The following ASCC3 variants were observed in gnomAD, a reference collection of about 807,000 sequenced individuals.
ASCC3 encodes the protein ASC-1 complex subunit P200.
ASCC3 carries 158 observed loss-of-function variants against 256.3 expected under a neutral mutation model. The observed-to-expected ratio is 0.62, with a 90% confidence interval of 0.54 to 0.70. The LOEUF (loss-of-function observed/expected upper bound fraction) is 0.70, where lower values mean the gene tolerates loss of function less well. Ranked by LOEUF, ASCC3 falls within the 30% of genes least tolerant of loss-of-function variation. ASCC3 has a pLI of 0.00. For missense variants in ASCC3, 2,259 were observed against 2,626.0 expected, an observed-to-expected ratio of 0.86 and a Z score of 3.05; for synonymous variants, 948 against 883.4, an observed-to-expected ratio of 1.07 and a Z score of -1.30.
rs560881739 is a variant in ASCC3, at chr6:100,723,380, G to C, written c.1902+2159C>G. ...ATAGGTTTCATTTATAACTTCTTGA[G>C]CTTGCATATTGCATAGAACAACAAG... On this transcript the variant is annotated intron_variant, in intron 11 of 41. Transcript: ENST00000369162. Among the ~76,000 whole-genome samples, 64 of 151,490 alleles carry C rather than the reference G, an allele frequency of 4.2e-4. 1 individual carries two copies. The highest frequency in any genetic ancestry group is 1.3e-3 in the African/African-American group (52 of 41,408).
At chr6:100,527,181 T>C (rs1220791226) in intron 37 of ASCC3, among the ~76,000 whole-genome samples, 1 of 152,180 alleles carries the variant, frequency 6.6e-6, no homozygotes, top group East Asian at 1.9e-4. Flanking sequence ...TGTATGCTTA[T>C]AGTATTAATG....
At chr6:100,555,610 T>C (rs1246004977) in intron 36 of ASCC3, among the ~76,000 whole-genome samples, 1 of 152,192 alleles carries the variant, frequency 6.6e-6, no homozygotes, top group African/African-American at 2.4e-5. Flanking sequence ...CCAGGATTTA[T>C]AGCTAAGTCC....
chr6:100,564,252 C>T (rs899787511), intron 36 of ASCC3, among the ~76,000 whole-genome samples: 13 of 151,514 alleles, frequency 8.6e-5, no homozygotes, highest in Non-Finnish European at 1.6e-4. Flanking sequence ...TTGAAATATA[C>T]GATAAATTCT....
chr6:100,782,100 G>T (rs78326376), intron 8 of ASCC3, among the ~76,000 whole-genome samples: 2,946 of 152,038 alleles, frequency 0.019, 88 homozygotes, highest in African/African-American at 0.068. Context: ...AGAATTATAG[G>T]GAATTCTTGG....
intron 10 of ASCC3, among the ~76,000 whole-genome samples, chr6:100,744,582 T>C (rs1246372365): frequency 6.6e-6 from 1 of 152,170 alleles, no homozygotes; most frequent in Non-Finnish European, 1.5e-5. Flanking sequence ...ATCCTGGAGT[T>C]GTACAGGGTC....
At chr6:100,831,486 T>C (rs924029338) in intron 4 of ASCC3, among the ~76,000 whole-genome samples, 6 of 152,188 alleles carry the variant, frequency 3.9e-5, no homozygotes, top group Admixed American at 3.9e-4. Context: ...GGCCAGTAGT[T>C]TGGCTCCTGC....
intron 30 of ASCC3, among the ~76,000 whole-genome samples, chr6:100,623,127 C>G (rs902669575): frequency 6.6e-6 from 1 of 152,052 alleles, no homozygotes; most frequent in Non-Finnish European, 1.5e-5. Flanking sequence ...TATTTTTCAT[C>G]ATTTGCCTCC....
Position 100,725,620 on chromosome 6 carries a change from G to A in ASCC3, c.1821C>T (p.Leu607=). ...GCAAATGAACTTCATCAAGAATAAG[G>A]AGCCTTACAATCTGGGAAAGAGCTA... ...GDVALSQIVR[L]LILDEVHLLH... Residue 607 remains leucine, a synonymous_variant, in exon 11 of 42, where the codon CTC becomes CTT. Transcript: ENST00000369162. 6.2e-7 allele frequency: 1 copy of A among 1,612,686 alleles called. No individual in the cohort carries two copies. The highest frequency in any genetic ancestry group is 1.1e-5 in the South Asian group (1 of 91,048).
chr6:100,534,311 AGG>A (rs1376915714), intron 37 of ASCC3, among the ~76,000 whole-genome samples: 1 of 152,198 alleles, frequency 6.6e-6, no homozygotes, highest in Non-Finnish European at 1.5e-5. Flanking sequence ...AAAGGCAGAG[AGG>A]TACTCAAAAC....
At chr6:100,880,986 C>G (rs1237063403) in intron 1 of ASCC3, 75 bp downstream of exon 1, 1 of 152,304 alleles carries the variant, frequency 6.6e-6, no homozygotes, top group Non-Finnish European at 1.5e-5. Flanking sequence ...CCCGCCTCGC[C>G]GTCCCCGCCT....
intron 10 of ASCC3, among the ~76,000 whole-genome samples, chr6:100,734,369 C>T (rs1044246829): frequency 1.3e-5 from 2 of 152,038 alleles, no homozygotes; most frequent in African/African-American, 4.8e-5. Flanking sequence ...TACTCACAAG[C>T]ACAAAACCTG....
intron 22 of ASCC3, 94 bp from the exon 23 acceptor site, chr6:100,644,223 T>C: frequency 2.4e-6 from 2 of 820,324 alleles, no homozygotes; most frequent in Non-Finnish European, 4.2e-6. Flanking sequence ...TATTGATATA[T>C]CATTTATATT....
At chr6:100,616,969 T>A (rs918674330) in intron 30 of ASCC3, among the ~76,000 whole-genome samples, 2 of 152,038 alleles carry the variant, frequency 1.3e-5, no homozygotes, top group African/African-American at 4.8e-5. Context: ...CTAAGGGCAG[T>A]ATTCTGAACT....
intron 10 of ASCC3, among the ~76,000 whole-genome samples, chr6:100,758,065 G>C (rs1781265645): frequency 6.6e-6 from 1 of 152,032 alleles, no homozygotes; most frequent in Admixed American, 6.6e-5. Context: ...TCCCACCCAG[G>C]AGATTTAAAT....
chr6:100,599,084 G>C (rs1002037673), intron 34 of ASCC3, among the ~76,000 whole-genome samples: 1 of 152,138 alleles, frequency 6.6e-6, no homozygotes, highest in Admixed American at 6.6e-5. Flanking sequence ...ATGATGGTGG[G>C]AAGTCCATGT....
rs1769855783 is a variant in ASCC3 at position 100,800,407 on chromosome 6, A to G, written c.1020T>C (p.Tyr340=). ...SEQEKQLMKQ[Y]RREEKRIARR... Reference sequence around the variant, plus strand: ...TGGCAATTCTTTTTTCTTCACGTCGATATTGTTTCATTAACTGCTTTTCTT... The same window carrying G: ...TGGCAATTCTTTTTTCTTCACGTCGGTATTGTTTCATTAACTGCTTTTCTT... Residue 340 remains tyrosine, a synonymous_variant, in exon 6 of 42, where the codon TAT becomes TAC. Coordinates refer to ENST00000369162, the MANE Select transcript of ASCC3 (RefSeq NM_006828.4). The G allele has an allele frequency of 1.9e-6, 3 of 1,612,578 alleles. No individual in the cohort carries two copies. The highest frequency in any genetic ancestry group is 2.5e-6 in the Non-Finnish European group (3 of 1,179,252).
intron 29 of ASCC3, among the ~76,000 whole-genome samples, chr6:100,626,143 TTTTGTTTG>T (rs142841157): frequency 6.6e-6 from 1 of 152,036 alleles, no homozygotes; most frequent in Admixed American, 6.6e-5. Context: ...AAATGAGGTT[TTTTGTTTG>T]TTTGTTTGTT....
intron 8 of ASCC3, among the ~76,000 whole-genome samples, chr6:100,790,901 C>G (rs2114302151): frequency 6.6e-6 from 1 of 151,930 alleles, no homozygotes; most frequent in East Asian, 1.9e-4. Context: ...TCCCAGTAGA[C>G]TATACGGTAC....
intron 8 of ASCC3, among the ~76,000 whole-genome samples, chr6:100,792,815 T>C (rs1390658567): frequency 6.6e-6 from 1 of 151,916 alleles, no homozygotes; most frequent in Non-Finnish European, 1.5e-5. Context: ...GACCTCAGGA[T>C]ACAGGCTAAA....
Sources: gnomAD v4.1 joint callset for allele counts (sites outside exome capture counted in the v4.1 genomes callset) on GRCh38, gnomAD v4.1.1 for gene constraint, MANE v1.5 for transcripts, NCBI Gene and HGNC (gene_info 2026-07-23, HGNC 2026-07-21) for gene names.